DHRSX: variants seen among roughly 807,000 people sequenced by gnomAD.
DHRSX encodes polyprenol dehydrogenase.
Under a neutral mutation model 34.0 loss-of-function variants are expected in DHRSX, and 31 were observed. The ratio of observed to expected loss-of-function variants is 0.91; its 90% confidence interval spans 0.69 to 1.23. The LOEUF is 1.23. DHRSX is among the 50% of genes most tolerant of loss of function. DHRSX has a pLI of 0.00. For synonymous variants in DHRSX, 201 were observed against 183.8 expected (o/e 1.09, Z -0.76); for missense variants, 414 against 428.1 (o/e 0.97, Z 0.29).
chrX:2,239,538 C>T (rs1303266043), intron 6 of DHRSX, among the ~76,000 whole-genome samples: 7 of 151,640 alleles, frequency 4.6e-5, no homozygotes, highest in South Asian at 2.1e-4. Flanking sequence ...AGGTGGATCA[C>T]GAGGTCAGGA....
At chrX:2,324,044 G>A (rs1405222917) in intron 3 of DHRSX, among the ~76,000 whole-genome samples, 6 of 132,666 alleles carry the variant, frequency 4.5e-5, no homozygotes, top group Non-Finnish European at 8.0e-5. Context: ...GTAACAGATG[G>A]AGACCCTGTC....
chrX:2,311,723 G>A (rs1204990683), intron 3 of DHRSX, among the ~76,000 whole-genome samples: 2 of 152,136 alleles, frequency 1.3e-5, no homozygotes, highest in African/African-American at 4.8e-5. Flanking sequence ...CTGTCTCCAA[G>A]GAGGTAAATC....
At chrX:2,327,049 G>A (rs1053795391) in intron 3 of DHRSX, among the ~76,000 whole-genome samples, 6 of 152,160 alleles carry the variant, frequency 3.9e-5, no homozygotes, top group African/African-American at 1.4e-4. Context: ...CTGACCTCAG[G>A]TGATCCACCC....
chrX:2,325,302 G>A (rs1181777772), intron 3 of DHRSX, among the ~76,000 whole-genome samples: 1 of 151,980 alleles, frequency 6.6e-6, no homozygotes, highest in Non-Finnish European at 1.5e-5. Flanking sequence ...CTAGGGACTA[G>A]ACACGTTCAA....
chrX:2,367,025 C>A (rs1251241748), intron 3 of DHRSX, among the ~76,000 whole-genome samples: 3 of 152,108 alleles, frequency 2.0e-5, no homozygotes, highest in African/African-American at 7.2e-5. Flanking sequence ...TTCACGAACA[C>A]CAGCCATTCC....
intron 1 of DHRSX, among the ~76,000 whole-genome samples, chrX:2,466,191 C>T (rs1439149070): frequency 2.0e-5 from 3 of 152,214 alleles, no homozygotes; most frequent in Non-Finnish European, 2.9e-5. Context: ...GTAATCCCAG[C>T]ACTTTGGGAG....
chrX:2,454,961 A>C (rs1321317069), intron 1 of DHRSX, among the ~76,000 whole-genome samples: 3 of 151,588 alleles, frequency 2.0e-5, no homozygotes, highest in Non-Finnish European at 4.4e-5. Context: ...AAAAACACAA[A>C]ATTAGCTGGG....
intron 3 of DHRSX, among the ~76,000 whole-genome samples, chrX:2,405,048 C>T (rs992649482): frequency 3.3e-5 from 5 of 152,120 alleles, no homozygotes; most frequent in Non-Finnish European, 5.9e-5. Context: ...CCTGCAATGC[C>T]GGCTATGAAA....
chrX:2,500,856 G>A lies in DHRSX; in HGVS notation c.70C>T (p.Gln24Ter). Residue 24 changes from glutamine (Q) to a stop codon, truncating the protein, a stop_gained, in exon 1 of 7, where the codon CAG (glutamine) becomes TAG (stop). Coordinates refer to ENST00000334651, the MANE Select transcript of DHRSX (RefSeq NM_145177.3). LOFTEE classifies it high-confidence loss of function. ...CCCCCGCGGCAGCGCCGCAGCAGCT[G>A]CGCCAGGATCACCGCGGCGCCTACC... The part of the protein sequence containing the change: ...YAVGAAVILA[Q>*]LLRRCRGGFL... 2 of 1,161,372 alleles carry A rather than the reference G, an allele frequency of 1.7e-6. No homozygotes were observed. Among genetic ancestry groups the A allele is most frequent in the Non-Finnish European group, 2.1e-6 (2 of 936,824 alleles). The allele number at this position is 1,161,372 out of a possible 1,614,324, so 71.9% of individuals were successfully genotyped here. A position where few individuals can be genotyped will look rare whatever the true frequency, so the allele number is the denominator to read the frequency against.
chrX:2,470,424 T>A (rs1256700779), intron 1 of DHRSX, among the ~76,000 whole-genome samples: 1 of 151,046 alleles, frequency 6.6e-6, no homozygotes, highest in Non-Finnish European at 1.5e-5. Flanking sequence ...ACTGAAAAAA[T>A]TAACTGGATA....
In DHRSX at chrX:2,360,118, G is replaced by A. The variant is rs190292278; in HGVS notation, c.286+48627C>T. On this transcript the variant is annotated intron_variant, in intron 3 of 6. Transcript: ENST00000334651. ...TGAACTATAAGAATCAAAATTTCCA[G>A]AAGGTTGGGGTGATGAGGCATGAAG... 1.0e-3 allele frequency among the ~76,000 whole-genome samples: 155 copies of A among 152,228 alleles called. 2 individuals carry two copies. Among genetic ancestry groups the A allele is most frequent in the Non-Finnish European group, 2.0e-3 (135 of 68,004 alleles).
intron 1 of DHRSX, among the ~76,000 whole-genome samples, chrX:2,454,327 G>A (rs968252025): frequency 6.6e-6 from 1 of 152,020 alleles, no homozygotes; most frequent in African/African-American, 2.4e-5. Context: ...AGGAGTTCCA[G>A]ACCAGCCTGA....
chrX:2,385,110 A>G (rs7890313), intron 3 of DHRSX, among the ~76,000 whole-genome samples: 47,448 of 146,408 alleles, frequency 0.32, 8,174 homozygotes, highest in Admixed American at 0.45. Flanking sequence ...TCAAATATAT[A>G]TGTGTGTGTG....
At chrX:2,351,495 T>C (rs1179342535) in intron 3 of DHRSX, among the ~76,000 whole-genome samples, 2 of 152,060 alleles carry the variant, frequency 1.3e-5, no homozygotes, top group Non-Finnish European at 2.9e-5. Context: ...TGACACAGAC[T>C]TGGAGATTGA....
Position 2,289,509 on chromosome X carries a change from G to C in DHRSX, c.388+1993C>G, listed in dbSNP as rs2041842750. Among the ~76,000 whole-genome samples, 5 of 152,290 alleles carry C rather than the reference G, an allele frequency of 3.3e-5. No homozygotes were observed. The South Asian group carries it at 1.0e-3, about 32-fold the overall frequency. The stretch of plus-strand genomic sequence containing the variant: ...CACAAAAGTCCTAAGAGGATGGACA[G>C]TTCTGTTTTGTGTGTCTCTGTGCAA... On this transcript the variant is annotated intron_variant, in intron 4 of 6. Transcript: ENST00000334651.
At chrX:2,224,984 A>G (rs1194069867) in intron 6 of DHRSX, among the ~76,000 whole-genome samples, 1 of 151,208 alleles carries the variant, frequency 6.6e-6, no homozygotes, top group Non-Finnish European at 1.5e-5. Flanking sequence ...ATGCACACTA[A>G]TTCACATGCA....
At chrX:2,363,835 A>G (rs1004356328) in intron 3 of DHRSX, among the ~76,000 whole-genome samples, 3 of 152,104 alleles carry the variant, frequency 2.0e-5, no homozygotes, top group African/African-American at 7.2e-5. Context: ...ATAATAACAC[A>G]TCAGCATCGA....
intron 1 of DHRSX, among the ~76,000 whole-genome samples, chrX:2,460,246 A>G (rs1031755693): frequency 6.6e-6 from 1 of 152,026 alleles, no homozygotes; most frequent in Non-Finnish European, 1.5e-5. Flanking sequence ...CCTGCTCAGG[A>G]GGGTTGGTGA....
At chrX:2,236,425 T>C (rs2016016898) in intron 6 of DHRSX, among the ~76,000 whole-genome samples, 1 of 151,898 alleles carries the variant, frequency 6.6e-6, no homozygotes, top group Non-Finnish European at 1.5e-5. Flanking sequence ...CCTGGAGCAA[T>C]TTCTTCTTAT....
Sources: gnomAD v4.1 joint callset for allele counts (sites outside exome capture counted in the v4.1 genomes callset) on GRCh38, gnomAD v4.1.1 for gene constraint, MANE v1.5 for transcripts, NCBI Gene and HGNC (gene_info 2026-07-23, HGNC 2026-07-21) for gene names.